MLXIP: variants seen among roughly 807,000 people sequenced by gnomAD.
The protein encoded by MLXIP is MLX interacting protein, also known as MLX-interacting protein.
A neutral mutation model predicts 87.2 loss-of-function variants in MLXIP; 30 were observed. That is an observed-to-expected ratio of 0.34 (90% confidence interval 0.26 to 0.47). The LOEUF (loss-of-function observed/expected upper bound fraction) is 0.47. Ranked by LOEUF, MLXIP falls within the 20% of genes least tolerant of loss-of-function variation. The pLI is 1.00. For synonymous variants in MLXIP, 530 were observed against 514.0 expected (o/e 1.03, Z -0.42); for missense variants, 1,002 against 1,240.1 (o/e 0.81, Z 2.88).
At chr12:122,106,928 C>G (rs1952530003) in intron 1 of MLXIP, among the ~76,000 whole-genome samples, 1 of 152,128 alleles carries the variant, frequency 6.6e-6, no homozygotes, top group Admixed American at 6.6e-5. Context: ...CCCATAGATT[C>G]ATGGAGCTGA....
intron 1 of MLXIP, among the ~76,000 whole-genome samples, chr12:122,092,532 T>C (rs1952262091): frequency 6.6e-6 from 1 of 152,198 alleles, no homozygotes; most frequent in Non-Finnish European, 1.5e-5. Context: ...TGCATGTGCC[T>C]AGGAGACGGT....
At position 122,140,974 on chromosome 12, in the gene MLXIP, G is replaced by A. The variant is rs754072814; in HGVS notation, c.2529G>A (p.Pro843=). 2.8e-5 allele frequency: 45 copies of A among 1,613,852 alleles called. No individual in the cohort carries two copies. The highest frequency in any genetic ancestry group is 2.0e-4 in the South Asian group (18 of 91,082). ...TGCAGTTCAGCATCATCATCAAGCC[G>A]CTGTTTGAGTCGTTCAAGGGCATGG... ...KFWIFSIIIK[P]LFESFKGMVS... is the part of the protein sequence containing the mutation. The change falls in exon 16 of 17, where the codon CCG becomes CCA. Residue 843 remains proline, a synonymous_variant. Coordinates refer to ENST00000319080, the MANE Select transcript of MLXIP (RefSeq NM_014938.6).
chr12:122,100,461 C>T (rs1163497311), intron 1 of MLXIP, among the ~76,000 whole-genome samples: 1 of 152,192 alleles, frequency 6.6e-6, no homozygotes, highest in Non-Finnish European at 1.5e-5. Context: ...AATGCATACT[C>T]ATTTTTGCTG....
intron 1 of MLXIP, 84 bp from the exon 2 acceptor site, chr12:122,127,172 C>T: frequency 9.2e-7 from 1 of 1,082,438 alleles, no homozygotes; most frequent in East Asian, 2.6e-5. Context: ...AGAGTTTGGT[C>T]CTGGAATGAT....
chr12:122,129,628 A>G lies in MLXIP; in HGVS notation c.737A>G (p.Gln246Arg), dbSNP rs558939153. The G allele has an allele frequency of 6.2e-7, 1 of 1,611,582 alleles. No homozygotes were observed. The highest frequency in any genetic ancestry group is 1.4e-5 in the African/African-American group (1 of 73,984). The change falls in exon 5 of 17, where the codon CAG becomes CGG. Residue 246 changes from glutamine (Q) to arginine (R), a missense_variant and splice_region_variant. Gln to Arg is a conservative substitution (Grantham distance 43). Transcript: ENST00000319080. ...GATGAGGACCTCTCCAGCCTGGTCCAGGTGGGTGAGCCTGGGAGCTCTGAG... is the reference window on the plus strand; with the variant it reads ...GATGAGGACCTCTCCAGCCTGGTCCGGGTGGGTGAGCCTGGGAGCTCTGAG... ...HKDEDLSSLV[Q>R]DDDMLYWHKH...
chr12:122,084,789 C>T (rs1593056038), intron 1 of MLXIP, among the ~76,000 whole-genome samples: 1 of 152,280 alleles, frequency 6.6e-6, no homozygotes, highest in Non-Finnish European at 1.5e-5. Context: ...CTCAAGTGAT[C>T]GGCCAGTCTC....
rs551436908 is a variant in MLXIP, at chr12:122,133,885, G to C, written c.1630G>C (p.Val544Leu). Residue 544 changes from valine (V) to leucine (L), a missense_variant, in exon 9 of 17, where the codon GTA (valine) becomes CTA (leucine). Val to Leu is a conservative substitution (Grantham distance 32). Around this residue, in one of 3 missense-constraint regions of MLXIP, gnomAD observed 746 missense variants for 897.0 expected, o/e 0.83. Transcript: ENST00000319080. The surrounding 1 kb of genome is among the most constrained non-coding windows in gnomAD (Gnocchi z 4.9). ...PRLTFVHPKPVSLTGGRPKQP... is the reference protein window; with the variant it reads ...PRLTFVHPKPLSLTGGRPKQP... ...GTTAACTTTTGTGCACCCCAAACCT[G>C]TATCCTTGACTGGGGGCAGGCCTAA... 1 of 1,611,580 alleles carries C rather than the reference G, an allele frequency of 6.2e-7. No homozygotes were observed. The highest frequency in any genetic ancestry group is 1.1e-5 in the South Asian group (1 of 90,600).
rs35967072 is a variant in MLXIP at position 122,121,307 on chromosome 12, C to CTTTTTTT, written c.414-5934_414-5928dup. The stretch of plus-strand genomic sequence containing the variant: ...CCAGGCGCGAGCCACTGTGCCCAGC[C>CTTTTTTT]TTTTTTTTTTTTTTTTTTTTTAAAT... On this transcript the variant is annotated intron_variant, in intron 1 of 16. Coordinates refer to ENST00000319080, the MANE Select transcript of MLXIP (RefSeq NM_014938.6). 1.7e-5 allele frequency among the ~76,000 whole-genome samples: 2 copies of CTTTTTTT among 118,226 alleles called. 1 individual carries two copies. The highest frequency in any genetic ancestry group is 6.7e-5 in the African/African-American group (2 of 29,812). 77.6% of individuals were successfully genotyped at this position (118,226 alleles called of 152,430 possible). A position where few individuals can be genotyped will look rare whatever the true frequency, so the allele number is the denominator to read the frequency against.
chr12:122,135,714 C>A lies in MLXIP; in HGVS notation c.2032+48C>A. 6.9e-7 allele frequency: 1 copy of A among 1,452,064 alleles called. No homozygotes were observed. The allele number at this position is 1,452,064 out of a possible 1,614,324, so 89.9% of individuals were successfully genotyped here. On this transcript the variant is annotated intron_variant, in intron 11 of 16. Transcript: ENST00000319080. This position sits in a 1 kb window ranked among gnomAD's most constrained non-coding sequence, Gnocchi z 5.3. The stretch of plus-strand genomic sequence containing the variant: ...GGTTGGGGCATCGCAAGGGAAGTAA[C>A]TGGGCCTGCCGTAGACCATGGGGGG...
intron 1 of MLXIP, among the ~76,000 whole-genome samples, chr12:122,084,379 C>T (rs1009796980): frequency 2.0e-5 from 3 of 152,080 alleles, no homozygotes; most frequent in African/African-American, 4.8e-5. Flanking sequence ...TCATTGCCCA[C>T]ATGCTGGAAG....
chr12:122,129,369 G>A, intron 4 of MLXIP, 143 bp downstream of exon 4: 2 of 913,252 alleles, frequency 2.2e-6, no homozygotes, highest in Non-Finnish European at 3.4e-6. Context: ...GGCCCAGCGT[G>A]CCAGACTAGC....
chr12:122,128,587 G>C (rs567948315), intron 3 of MLXIP: 34 of 159,182 alleles, frequency 2.1e-4, no homozygotes, highest in Non-Finnish European at 3.7e-4. Context: ...TTGTAGGTGA[G>C]GTGATTTGGG....
intron 1 of MLXIP, among the ~76,000 whole-genome samples, chr12:122,118,720 C>G (rs1269609346): frequency 2.0e-5 from 3 of 151,190 alleles, no homozygotes; most frequent in African/African-American, 7.3e-5. Context: ...TGGTGGTACA[C>G]GCCTGTTATC....
chr12:122,101,649 C>T (rs1330697901), intron 1 of MLXIP, among the ~76,000 whole-genome samples: 9 of 140,536 alleles, frequency 6.4e-5, no homozygotes, highest in African/African-American at 2.1e-4. Flanking sequence ...GGCGGGATCT[C>T]GGCTCACTGC....
At chr12:122,081,388 G>T (rs1164809583) in intron 1 of MLXIP, among the ~76,000 whole-genome samples, 1 of 152,066 alleles carries the variant, frequency 6.6e-6, no homozygotes, top group African/African-American at 2.4e-5. Context: ...TAGAACTTTG[G>T]TATGGATGAC....
At chr12:122,108,589 C>T (rs1952557779) in intron 1 of MLXIP, among the ~76,000 whole-genome samples, 2 of 152,048 alleles carry the variant, frequency 1.3e-5, no homozygotes, top group African/African-American at 4.8e-5. Context: ...TCCTCCCCAC[C>T]TCTAAATGCA....
In MLXIP at chr12:122,129,189, G is replaced by A. The variant is rs1167400700; in HGVS notation, c.659G>A (p.Arg220Gln). The A allele has an allele frequency of 2.5e-6, 4 of 1,611,546 alleles. No homozygotes were observed. The highest frequency in any genetic ancestry group is 4.5e-5 in the East Asian group (2 of 44,826). Residue 220 changes from arginine (R) to glutamine (Q), a missense_variant, in exon 4 of 17, where the codon CGG becomes CAG. Transcript: ENST00000319080. ...AAGAGCCGCATCGAGATTGTGATCC[G>A]GGAGTATCACAAGTGGAGAACCTAC... is the stretch of plus-strand genomic sequence containing the variant. ...YWKSRIEIVI[R>Q]EYHKWRTYFK...
Position 122,144,382 on chromosome 12 carries a change from G to A in MLXIP, c.*2570G>A, listed in dbSNP as rs1953262739. The stretch of plus-strand genomic sequence containing the variant: ...GGATCACTTGAGCTCAGGAGTTGGA[G>A]ACCAACCCTGGCAACATAACAAGAC... On this transcript the variant is annotated 3_prime_UTR_variant, in exon 17 of 17. Transcript: ENST00000319080. The A allele has an allele frequency of 7.6e-6, 1 of 132,344 alleles. No individual in the cohort carries two copies. Among genetic ancestry groups the A allele is most frequent in the African/African-American group, 2.9e-5 (1 of 33,926 alleles). 8.2% of individuals were successfully genotyped at this position (132,344 alleles called of 1,614,324 possible). A position where few individuals can be genotyped will look rare whatever the true frequency, so the allele number is the denominator to read the frequency against.
intron 16 of MLXIP, 111 bp downstream of exon 16, chr12:122,141,194 CG>C: frequency 7.0e-7 from 1 of 1,434,038 alleles, no homozygotes; most frequent in South Asian, 1.4e-5. Flanking sequence ...CAGGTGGGGC[CG>C]GGGCAGGGGC....
Sources: allele counts gnomAD v4.1 joint callset (sites outside exome capture counted in the v4.1 genomes callset), GRCh38; gene constraint gnomAD v4.1.1; regional missense constraint gnomAD v4.1.1; non-coding constraint Gnocchi (gnomAD v3.1); transcripts MANE v1.5; gene names NCBI Gene and HGNC (gene_info 2026-07-23, HGNC 2026-07-21).